Variants in ZNF407 observed in about 807,000 individuals in gnomAD.
The protein encoded by ZNF407 is zinc finger protein 407.
In ZNF407, 17 loss-of-function variants were observed where a neutral mutation model predicts 131.2. That is an observed-to-expected ratio of 0.13 (90% confidence interval 0.09 to 0.19). ZNF407 has a LOEUF of 0.19. Ranked by LOEUF, ZNF407 falls within the 10% of genes least tolerant of loss-of-function variation. The pLI is 1.00. For synonymous variants in ZNF407, 1,156 were observed against 1,062.0 expected, an observed-to-expected ratio of 1.09 and a Z score of -1.72; for missense variants, 2,681 against 2,830.6, an observed-to-expected ratio of 0.95 and a Z score of 1.20.
At position 74,633,197 on chromosome 18, in the gene ZNF407, T is replaced by G; in HGVS notation, c.2178T>G (p.Leu726=). 1 of 1,613,802 alleles carries G rather than the reference T, an allele frequency of 6.2e-7. No homozygotes were observed. The highest frequency in any genetic ancestry group is 8.5e-7 in the Non-Finnish European group (1 of 1,179,822). The change falls in exon 2 of 9, where the codon CTT becomes CTG. Residue 726 remains leucine, a synonymous_variant. Transcript: ENST00000299687. Reference sequence around the variant, plus strand: ...CTGTTCTCACGAGACATATAAAGCTTCGGCATGGTCAAGACTATCATTTTC... The same window carrying G: ...CTGTTCTCACGAGACATATAAAGCTGCGGCATGGTCAAGACTATCATTTTC... ...SSTVLTRHIK[L]RHGQDYHFLC...
At chr18:74,747,304 C>T (rs1344797185) in intron 3 of ZNF407, among the ~76,000 whole-genome samples, 3 of 152,014 alleles carry the variant, frequency 2.0e-5, no homozygotes, top group Non-Finnish European at 4.4e-5. Context: ...CCAGTCATTT[C>T]CGGAAGGGAA....
In ZNF407 at chr18:74,631,043, C is replaced by T. The variant is rs373134415; in HGVS notation, c.24C>T (p.Pro8=). ...TAATGATGGATAGTGAGAATAAACC[C>T]GAAAATGATGAGGATGAAAAGATAA... MMDSENK[P]ENDEDEKINK... The change falls in exon 2 of 9, where the codon CCC becomes CCT. Residue 8 remains proline, a synonymous_variant. Transcript: ENST00000299687. 1.9e-5 allele frequency: 30 copies of T among 1,610,210 alleles called. No individual in the cohort carries two copies. The highest frequency in any genetic ancestry group is 1.3e-4 in the African/African-American group (10 of 74,736).
chr18:74,896,863 CT>C (rs1309562391), intron 7 of ZNF407, among the ~76,000 whole-genome samples: 3 of 152,126 alleles, frequency 2.0e-5, no homozygotes, highest in Non-Finnish European at 4.4e-5. Context: ...TCTATTCTTC[CT>C]TTTTTTCTGA....
intron 6 of ZNF407, among the ~76,000 whole-genome samples, chr18:74,887,141 G>A (rs1051811717): frequency 3.3e-5 from 5 of 152,048 alleles, no homozygotes; most frequent in Admixed American, 2.6e-4. Context: ...AATATTCTGT[G>A]TCAAATTTGA....
intron 1 of ZNF407, among the ~76,000 whole-genome samples, chr18:74,605,505 C>T (rs1315394059): frequency 6.6e-6 from 1 of 151,814 alleles, no homozygotes; most frequent in Non-Finnish European, 1.5e-5. Context: ...CTGCCCATGC[C>T]ATGAATTAAG....
In ZNF407 at chr18:74,704,049, A is replaced by G. The variant is rs1967564058; in HGVS notation, c.4802+62927A>G. On this transcript the variant is annotated intron_variant, in intron 3 of 8. Transcript: ENST00000299687. ...GTAATGTTCCATATTCTCATCTTACATGTAAGGGACACCGACATTTCATCT... is the reference window on the plus strand; with the variant it reads ...GTAATGTTCCATATTCTCATCTTACGTGTAAGGGACACCGACATTTCATCT... 2.0e-5 allele frequency among the ~76,000 whole-genome samples: 3 copies of G among 152,170 alleles called. No individual in the cohort carries two copies. In the South Asian group the frequency reaches 6.2e-4, roughly 32 times the overall value.
intron 4 of ZNF407, among the ~76,000 whole-genome samples, chr18:74,796,254 G>A (rs9948483): frequency 0.018 from 2,779 of 152,238 alleles, 80 homozygotes; most frequent in African/African-American, 0.056. Context: ...GGCTGAAGAA[G>A]TCTAGATATA....
Position 74,631,401 on chromosome 18 carries a change from C to T in ZNF407, c.382C>T (p.Pro128Ser), listed in dbSNP as rs776219438. ...SDCTVGGTCLPNALSPSCNFS... is the reference protein window; with the variant it reads ...SDCTVGGTCLSNALSPSCNFS... ...CTGCACAGTTGGAGGCACATGTCTC[C>T]CAAATGCCCTCTCCCCTTCTTGCAA... is the stretch of plus-strand genomic sequence containing the variant. The change falls in exon 2 of 9, where the codon CCA (proline) becomes TCA (serine). Residue 128 changes from proline to serine, a missense_variant. Around this residue, in one of 6 missense-constraint regions of ZNF407, gnomAD observed 1,789 missense variants for 1,748.7 expected, o/e 1.02. Transcript: ENST00000299687. 6.2e-7 allele frequency: 1 copy of T among 1,613,916 alleles called. No individual in the cohort carries two copies. The highest frequency in any genetic ancestry group is 1.1e-5 in the South Asian group (1 of 91,080).
intron 3 of ZNF407, among the ~76,000 whole-genome samples, chr18:74,692,738 G>C (rs1215787651): frequency 6.6e-6 from 1 of 152,132 alleles, no homozygotes; most frequent in Non-Finnish European, 1.5e-5. Flanking sequence ...TCTCAAAGAT[G>C]TAGTGGAACT....
intron 8 of ZNF407, among the ~76,000 whole-genome samples, chr18:75,035,851 T>C (rs1022087202): frequency 6.6e-6 from 1 of 152,240 alleles, no homozygotes; most frequent in Non-Finnish European, 1.5e-5. Flanking sequence ...GGTATCACAG[T>C]AGAATAGGAT....
At chr18:74,950,252 G>A (rs1972198869) in intron 8 of ZNF407, among the ~76,000 whole-genome samples, 1 of 152,178 alleles carries the variant, frequency 6.6e-6, no homozygotes. Flanking sequence ...ATATGTGGCT[G>A]CAAGAAAATG....
chr18:74,761,936 A>G (rs1392899184), intron 3 of ZNF407, among the ~76,000 whole-genome samples: 1 of 152,096 alleles, frequency 6.6e-6, no homozygotes, highest in African/African-American at 2.4e-5. Context: ...CCAAATTTCA[A>G]ATTGCTAGTA....
At chr18:74,812,813 T>A (rs1357840254) in intron 4 of ZNF407, among the ~76,000 whole-genome samples, 5 of 152,344 alleles carry the variant, frequency 3.3e-5, no homozygotes, top group Non-Finnish European at 7.3e-5. Context: ...TTTTTTTTAA[T>A]GACTTTGTCT....
chr18:74,779,906 T>C (rs1300825675), intron 3 of ZNF407, among the ~76,000 whole-genome samples: 1 of 152,164 alleles, frequency 6.6e-6, no homozygotes, highest in Non-Finnish European at 1.5e-5. Flanking sequence ...TTATAGACAA[T>C]GGAGGACAGT....
intron 3 of ZNF407, among the ~76,000 whole-genome samples, chr18:74,660,050 T>G (rs1236507995): frequency 6.6e-6 from 1 of 152,150 alleles, no homozygotes. Context: ...GTCATCAAAA[T>G]CATACAAATA....
At chr18:74,765,785 C>G (rs1034970506) in intron 3 of ZNF407, among the ~76,000 whole-genome samples, 1 of 152,200 alleles carries the variant, frequency 6.6e-6, no homozygotes, top group Non-Finnish European at 1.5e-5. Flanking sequence ...AGCTGCAGCT[C>G]TGTTTCTCAC....
chr18:74,968,527 T>C (rs1233896161), intron 8 of ZNF407, among the ~76,000 whole-genome samples: 1 of 152,182 alleles, frequency 6.6e-6, no homozygotes, highest in Non-Finnish European at 1.5e-5. Flanking sequence ...TGAGGATATT[T>C]TTATTTCCTC....
chr18:75,006,618 G>A (rs1972913643), intron 8 of ZNF407, among the ~76,000 whole-genome samples: 1 of 152,118 alleles, frequency 6.6e-6, no homozygotes, highest in Non-Finnish European at 1.5e-5. Flanking sequence ...AGCCACAGAA[G>A]GCAACTCTAT....
intron 3 of ZNF407, among the ~76,000 whole-genome samples, chr18:74,745,672 A>G (rs1018135130): frequency 1.3e-5 from 2 of 152,188 alleles, no homozygotes; most frequent in Non-Finnish European, 2.9e-5. Context: ...GGGAAAACAG[A>G]ACAAAATGCT....
Sources: allele counts gnomAD v4.1 joint callset (sites outside exome capture counted in the v4.1 genomes callset), GRCh38; gene constraint gnomAD v4.1.1; regional missense constraint gnomAD v4.1.1; transcripts MANE v1.5; gene names NCBI Gene and HGNC (gene_info 2026-07-23, HGNC 2026-07-21).